OSBPL5: variants seen among roughly 807,000 people sequenced by gnomAD.
OSBPL5 encodes the protein oxysterol binding protein like 5.
Under a neutral mutation model 111.2 loss-of-function variants are expected in OSBPL5, and 71 were observed. The ratio of observed to expected loss-of-function variants is 0.64; its 90% confidence interval spans 0.53 to 0.78. OSBPL5 has a LOEUF of 0.78. Ranked by LOEUF, OSBPL5 falls within the 30% of genes least tolerant of loss-of-function variation. The probability of loss-of-function intolerance (pLI) is 0.00; values close to 1 mark genes in which losing one functional copy is unlikely to be tolerated. For synonymous variants in OSBPL5, 549 were observed against 513.9 expected (o/e 1.07, Z -0.93); for missense variants, 1,210 against 1,189.3 (o/e 1.02, Z -0.26).
At position 3,087,925 on chromosome 11, in the gene OSBPL5, A is replaced by C; in HGVS notation, c.*280T>G. The C allele has an allele frequency of 3.4e-6, 1 of 289,978 alleles. No homozygotes were observed. The highest frequency in any genetic ancestry group is 6.3e-6 in the Non-Finnish European group (1 of 157,558). 18.0% of individuals were successfully genotyped at this position (289,978 alleles called of 1,614,324 possible). A position where few individuals can be genotyped will look rare whatever the true frequency, so the allele number is the denominator to read the frequency against. ...GAGGCCGGACAGGGGGTGACACGGC[A>C]AGATGGCCAGGAGTGCGTCGCACAG... On this transcript the variant is annotated 3_prime_UTR_variant, in exon 22 of 22. Transcript: ENST00000263650.
chr11:3,097,390 C>A (rs559008644), intron 14 of OSBPL5, among the ~76,000 whole-genome samples: 2 of 152,160 alleles, frequency 1.3e-5, no homozygotes, highest in East Asian at 3.9e-4. Context: ...GCCTGCGCTC[C>A]GGGGTTAAAA....
chr11:3,104,183 T>C lies in OSBPL5; in HGVS notation c.1244+10A>G, dbSNP rs376974094. ...GAGGTGTGGGGTGCCCCTCCCGGCA[T>C]GGCGCGCACCTGGAGAGCAGGTCTG... On this transcript the variant is annotated intron_variant, in intron 10 of 21. Coordinates refer to ENST00000263650, the MANE Select transcript of OSBPL5 (RefSeq NM_020896.4). This position sits in a 1 kb window ranked among gnomAD's most constrained non-coding sequence, Gnocchi z 5.0. 47 of 1,593,978 alleles carry C rather than the reference T, an allele frequency of 2.9e-5. No homozygotes were observed. Among genetic ancestry groups the C allele is most frequent in the African/African-American group, 4.0e-5 (3 of 74,586 alleles).
intron 14 of OSBPL5, chr11:3,094,790 T>A (rs1314455853): frequency 6.3e-6 from 1 of 157,612 alleles, no homozygotes; most frequent in Non-Finnish European, 1.4e-5. Context: ...CACTGCTGCG[T>A]CCCAGGATGG....
intron 2 of OSBPL5, 47 bp downstream of exon 2, chr11:3,128,966 G>A (rs550747014): frequency 1.6e-5 from 23 of 1,442,494 alleles, no homozygotes; most frequent in South Asian, 4.5e-5. Flanking sequence ...TCACCCCACC[G>A]GGCCCAAGCT....
Position 3,126,554 on chromosome 11 carries a change from C to T in OSBPL5, c.138G>A (p.Gly46=). 1.9e-6 allele frequency: 3 copies of T among 1,607,892 alleles called. No homozygotes were observed. The highest frequency in any genetic ancestry group is 1.7e-4 in the Middle Eastern group (1 of 6,052). Residue 46 remains glycine (G), a splice_region_variant and synonymous_variant, in exon 3 of 22, where the codon GGG becomes GGA. Coordinates refer to ENST00000263650, the MANE Select transcript of OSBPL5 (RefSeq NM_020896.4). This position sits in a 1 kb window ranked among gnomAD's most constrained non-coding sequence, Gnocchi z 6.5. ...ACGGGCCGTTGGGCTCCATGTCCTT[C>T]CCTGCAAGAGAGCAGTGGGAGTGAG... ...GDNELYPLSP[G]KDMEPNGPSL...
chr11:3,129,072 C>G lies in OSBPL5; in HGVS notation c.77G>C (p.Arg26Pro), dbSNP rs150443775. The G allele has an allele frequency of 2.0e-5, 31 of 1,575,948 alleles. No homozygotes were observed. Among genetic ancestry groups the G allele is most frequent in the Admixed American group, 3.7e-5 (2 of 54,736 alleles). ...GAGGAGCAAGTTCCGGGTGAGCTTC[C>G]GGGGGTCGACTTTCTGAGGGGTGGA... is the stretch of plus-strand genomic sequence containing the variant. The part of the protein sequence containing the change: ...PSSTPQKVDP[R>P]KLTRNLLLSG... Residue 26 changes from arginine to proline, a missense_variant, in exon 2 of 22, where the codon CGG becomes CCG. By Grantham distance (103) the Arg-to-Pro change is moderately radical. Transcript: ENST00000263650.
chr11:3,129,930 G>C (rs12273261), intron 1 of OSBPL5, among the ~76,000 whole-genome samples: 1 of 152,128 alleles, frequency 6.6e-6, no homozygotes, highest in Non-Finnish European at 1.5e-5. Context: ...TCCCAGCCCC[G>C]CCCACTGGCA....
chr11:3,160,937 A>T (rs951067951), intron 1 of OSBPL5: 5 of 152,232 alleles, frequency 3.3e-5, no homozygotes, highest in Non-Finnish European at 7.3e-5. Context: ...ATCCGTGACC[A>T]GCAGTCAGGG....
chr11:3,149,130 A>G (rs1846474652), intron 1 of OSBPL5, among the ~76,000 whole-genome samples: 2 of 152,214 alleles, frequency 1.3e-5, no homozygotes, highest in Non-Finnish European at 1.5e-5. Flanking sequence ...TGTCTTAGCA[A>G]TAGCCCTTTC....
At position 3,089,515 on chromosome 11, in the gene OSBPL5, C is replaced by T. The variant is rs567461997; in HGVS notation, c.2501+331G>A. 1.3e-4 allele frequency among the ~76,000 whole-genome samples: 16 copies of T among 123,564 alleles called. No homozygotes were observed. The South Asian group carries it at 1.5e-3, about 12-fold the overall frequency. 81.1% of individuals were successfully genotyped at this position (123,564 alleles called of 152,430 possible). ...CCACAGTGAGCCCAGGCTGCCACCT[C>T]GCTCTGCACACCTCAAGGTCTCTCC... On this transcript the variant is annotated intron_variant, in intron 21 of 21. Transcript: ENST00000263650.
intron 14 of OSBPL5, among the ~76,000 whole-genome samples, chr11:3,096,862 T>A (rs1857270735): frequency 7.2e-6 from 1 of 138,988 alleles, no homozygotes; most frequent in Admixed American, 7.5e-5. Flanking sequence ...CATGGATGAG[T>A]CAATGAGCAT....
Position 3,109,095 on chromosome 11 carries a change from T to G in OSBPL5, c.692-1150A>C, listed in dbSNP as rs1342464273. 4.6e-5 allele frequency among the ~76,000 whole-genome samples: 7 copies of G among 151,064 alleles called. No individual in the cohort carries two copies. Among genetic ancestry groups the G allele is most frequent in the Non-Finnish European group, 1.0e-4 (7 of 67,826 alleles). ...TAAGTGTGTTTTTTGTTTTTGTTTT[T>G]TTGTTGTTTTGAGATGGAGTCTCGC... is the stretch of plus-strand genomic sequence containing the variant. On this transcript the variant is annotated intron_variant, in intron 7 of 21. Transcript: ENST00000263650. The surrounding 1 kb of genome is among the most constrained non-coding windows in gnomAD (Gnocchi z 7.4).
rs370507679 is a variant in OSBPL5, at chr11:3,102,088, AC to A, written c.1425+94del. On this transcript the variant is annotated intron_variant, in intron 12 of 21. Transcript: ENST00000263650. ...CCCCTGGAAGCCGGCCCTCGGGGTC[AC>A]GCTTGCCCCTGCCTGCTGCCAGGGC... 1.2e-3 allele frequency: 1,650 copies of A among 1,321,788 alleles called. 14 individuals are homozygous for A. In the African/African-American group the frequency reaches 0.02, roughly 16 times the overall value. 81.9% of individuals were successfully genotyped at this position (1,321,788 alleles called of 1,614,324 possible).
chr11:3,160,672 T>TGGCCC (rs1846933748), intron 1 of OSBPL5, among the ~76,000 whole-genome samples: 1 of 122,442 alleles, frequency 8.2e-6, no homozygotes, highest in Non-Finnish European at 1.7e-5. Context: ...ATGACAACCC[T>TGGCCC]CCCCCCCCCC....
Position 3,140,173 on chromosome 11 carries a change from A to G in OSBPL5, c.-21-11004T>C, listed in dbSNP as rs905620326. On this transcript the variant is annotated intron_variant, in intron 1 of 21. Transcript: ENST00000263650. The surrounding 1 kb of genome is among the most constrained non-coding windows in gnomAD (Gnocchi z 4.5). ...GCAGCCACCATCTCGGGCTGTATTA[A>G]CAGAGGTTGAGTCCTCAGAAGGAGG... Among the ~76,000 whole-genome samples the G allele has an allele frequency of 3.9e-5, 6 of 152,218 alleles. No homozygotes were observed. The highest frequency in any genetic ancestry group is 1.3e-4 in the Admixed American group (2 of 15,286).
chr11:3,153,750 GC>G (rs916815232), intron 1 of OSBPL5, among the ~76,000 whole-genome samples: 2 of 152,274 alleles, frequency 1.3e-5, no homozygotes, highest in African/African-American at 4.8e-5. Flanking sequence ...GGCTCAAGCT[GC>G]CGGGAAGCAC....
chr11:3,107,358 T>G lies in OSBPL5; in HGVS notation c.964A>C (p.Lys322Gln). The G allele has an allele frequency of 6.2e-7, 1 of 1,613,878 alleles. No individual in the cohort carries two copies. Among genetic ancestry groups the G allele is most frequent in the Non-Finnish European group, 8.5e-7 (1 of 1,179,938 alleles). Residue 322 changes from lysine (K) to glutamine (Q), a missense_variant, in exon 9 of 22, where the codon AAG (lysine) becomes CAG (glutamine). Transcript: ENST00000263650. The surrounding 1 kb of genome is among the most constrained non-coding windows in gnomAD (Gnocchi z 6.1). ...SDTETQDHSR[K>Q]TESGSDQSET... ...GACTGGTCGCTGCCACTCTCCGTCT[T>G]CCGGCTATGGTCCTGGGTCTCGGTA...
Position 3,093,013 on chromosome 11 carries a change from G to T in OSBPL5, c.1986C>A (p.Asp662Glu). The change falls in exon 18 of 22, where the codon GAC (aspartate) becomes GAA (glutamate). Residue 662 changes from aspartate (D) to glutamate (E), a missense_variant. Asp to Glu is a conservative substitution (Grantham distance 45, BLOSUM62 2). Coordinates refer to ENST00000263650, the MANE Select transcript of OSBPL5 (RefSeq NM_020896.4). ...QHVTRAISKGDQHRATQEKFA... is the reference protein window; with the variant it reads ...QHVTRAISKGEQHRATQEKFA... ...ACTTCTCCTGTGTGGCCCTGTGCTG[G>T]TCGCCCTTGCTGATGGCCCTGGTGA... 6.2e-7 allele frequency: 1 copy of T among 1,602,958 alleles called. No individual in the cohort carries two copies. Among genetic ancestry groups the T allele is most frequent in the Non-Finnish European group, 8.5e-7 (1 of 1,176,194 alleles).
Position 3,122,206 on chromosome 11 carries a change from A to G in OSBPL5, c.301-108T>C. On this transcript the variant is annotated intron_variant, in intron 4 of 21. Transcript: ENST00000263650. ...GTCCAGGGGCAGGGGCAGGAGAGGA[A>G]GTAGGAGGAAGTAGGGGGTGTGGAG... 5 of 1,306,506 alleles carry G rather than the reference A, an allele frequency of 3.8e-6. No homozygotes were observed. In the South Asian group the frequency reaches 6.5e-5, roughly 17 times the overall value. The allele number at this position is 1,306,506 out of a possible 1,614,324, so 80.9% of individuals were successfully genotyped here.
Sources: allele counts gnomAD v4.1 joint callset (sites outside exome capture counted in the v4.1 genomes callset), GRCh38; gene constraint gnomAD v4.1.1; non-coding constraint Gnocchi (gnomAD v3.1); transcripts MANE v1.5; gene names NCBI Gene and HGNC (gene_info 2026-07-23, HGNC 2026-07-21).